Variants in C14orf39 observed in about 807,000 individuals in gnomAD.
C14orf39 encodes protein SIX6OS1.
Under a neutral mutation model 85.6 loss-of-function variants are expected in C14orf39, and 66 were observed. The ratio of observed to expected loss-of-function variants is 0.77; its 90% CI spans 0.63 to 0.95. The LOEUF (loss-of-function observed/expected upper bound fraction) is 0.95, where lower values mean the gene tolerates loss of function less well. C14orf39 is among the 40% of genes least tolerant of loss of function. The probability of loss-of-function intolerance (pLI) is 0.00; values close to 1 mark genes in which losing one functional copy is unlikely to be tolerated. For missense variants in C14orf39, 735 were observed against 663.9 expected, an observed-to-expected ratio of 1.11 and a Z score of -1.18; for synonymous variants, 242 against 214.0, an observed-to-expected ratio of 1.13 and a Z score of -1.14.
chr14:60,511,476 C>G, intron 1 of C14orf39: 1 of 613,360 alleles, frequency 1.6e-6, no homozygotes, highest in East Asian at 2.8e-5. Flanking sequence ...AGGCCTGACC[C>G]AGCACCACGT....
At chr14:60,474,613 G>A (rs1021161770) in intron 5 of C14orf39, among the ~76,000 whole-genome samples, 9 of 152,132 alleles carry the variant, frequency 5.9e-5, no homozygotes, top group African/African-American at 1.2e-4. Context: ...AGCATGAAGC[G>A]TTGTTGAATT....
At chr14:60,442,335 T>A (rs1376547403) in intron 16 of C14orf39, among the ~76,000 whole-genome samples, 1 of 152,200 alleles carries the variant, frequency 6.6e-6, no homozygotes, top group East Asian at 1.9e-4. Context: ...GTCTATTGAT[T>A]TGATTCAGGC....
intron 17 of C14orf39, among the ~76,000 whole-genome samples, chr14:60,438,055 G>C (rs1301688151): frequency 1.3e-5 from 2 of 151,580 alleles, no homozygotes; most frequent in East Asian, 3.8e-4. Context: ...CTTGAAACAA[G>C]TCTTTTTAAA....
At position 60,471,418 on chromosome 14, in the gene C14orf39, T is replaced by G; in HGVS notation, c.553A>C (p.Ile185Leu). 1 of 1,589,078 alleles carries G rather than the reference T, an allele frequency of 6.3e-7. No homozygotes were observed. The highest frequency in any genetic ancestry group is 8.6e-7 in the Non-Finnish European group (1 of 1,166,522). ...FPSLTKWTLN[I>L]VNLRCETQDI... is the part of the protein sequence containing the mutation. ...AAGTACAAATACTATTGTGGATACA[T>G]GTTTAAAGTCCATTTAGTAAGTGAT... The change falls in exon 7 of 18, where the codon ATT (isoleucine) becomes CTT (leucine). Residue 185 changes from isoleucine to leucine, a missense_variant and splice_region_variant. Coordinates refer to ENST00000321731, the MANE Select transcript of C14orf39 (RefSeq NM_174978.3).
intron 5 of C14orf39, among the ~76,000 whole-genome samples, chr14:60,472,650 T>C (rs1357963620): frequency 6.6e-6 from 1 of 152,088 alleles, no homozygotes; most frequent in Non-Finnish European, 1.5e-5. Context: ...GAATATGCAG[T>C]GTTTGCTTTT....
intron 1 of C14orf39, among the ~76,000 whole-genome samples, chr14:60,501,079 G>A (rs567379103): frequency 6.6e-6 from 1 of 150,834 alleles, no homozygotes; most frequent in African/African-American, 2.4e-5. Flanking sequence ...GTGAAGGAGG[G>A]TCACTTGAGG....
At chr14:60,442,405 A>T (rs568885927) in intron 16 of C14orf39, among the ~76,000 whole-genome samples, 1 of 152,278 alleles carries the variant, frequency 6.6e-6, no homozygotes, top group East Asian at 1.9e-4. Flanking sequence ...ATTTTGCTTT[A>T]TTCTGAAAGC....
Position 60,468,523 on chromosome 14 carries a change from T to A in C14orf39, c.689A>T (p.His230Leu). The change falls in exon 9 of 18, where the codon CAT (histidine) becomes CTT (leucine). Residue 230 changes from histidine (H) to leucine (L), a missense_variant. Transcript: ENST00000321731. ...TTCTGAAAGAGCCTTAGTTTCATTA[T>A]GCCTAGATATCTGCTAAAAAGACAA... ...INYLNQQISRHNETKALSETL... is the reference protein window; with the variant it reads ...INYLNQQISRLNETKALSETL... 1 of 1,577,802 alleles carries A rather than the reference T, an allele frequency of 6.3e-7. No individual in the cohort carries two copies.
intron 14 of C14orf39, 97 bp from the exon 15 acceptor site, chr14:60,457,192 T>A: frequency 1.4e-6 from 1 of 705,676 alleles, no homozygotes. Context: ...TATTAATCCA[T>A]GATGTTAACA....
At chr14:60,512,993 A>G (rs1212138660) in intron 1 of C14orf39, 1 of 152,238 alleles carries the variant, frequency 6.6e-6, no homozygotes, top group African/African-American at 2.4e-5. Flanking sequence ...CAAACCAAAC[A>G]AAAATAAGTG....
intron 16 of C14orf39, among the ~76,000 whole-genome samples, chr14:60,446,380 C>T (rs1410439381): frequency 6.6e-6 from 1 of 152,040 alleles, no homozygotes; most frequent in Non-Finnish European, 1.5e-5. Flanking sequence ...ACCACTGATC[C>T]CACAGAAATA....
Position 60,448,783 on chromosome 14 carries a change from A to C in C14orf39, c.1503+6218T>G, listed in dbSNP as rs576207816. 4.6e-5 allele frequency among the ~76,000 whole-genome samples: 7 copies of C among 152,320 alleles called. No individual in the cohort carries two copies. The East Asian group carries it at 1.3e-3, about 29-fold the overall frequency. ...ATAGCAAAGACTTGGAACCAACCCAAATGTCCATCAACATCAATGATAGAA... is the reference window on the plus strand; with the variant it reads ...ATAGCAAAGACTTGGAACCAACCCACATGTCCATCAACATCAATGATAGAA... On this transcript the variant is annotated intron_variant, in intron 16 of 17. Transcript: ENST00000321731.
In C14orf39 at chr14:60,468,545, A is replaced by C; in HGVS notation, c.676-9T>G. On this transcript the variant is annotated splice_polypyrimidine_tract_variant and intron_variant, in intron 8 of 17. Coordinates refer to ENST00000321731, the MANE Select transcript of C14orf39 (RefSeq NM_174978.3). ...TTATGCCTAGATATCTGCTAAAAAG[A>C]CAATTGGGAACACAAAACAAAATAA... is the stretch of plus-strand genomic sequence containing the variant. 1 of 1,485,270 alleles carries C rather than the reference A, an allele frequency of 6.7e-7. No homozygotes were observed. Among genetic ancestry groups the C allele is most frequent in the Non-Finnish European group, 9.2e-7 (1 of 1,091,464 alleles). The allele number at this position is 1,485,270 out of a possible 1,614,324, so 92.0% of individuals were successfully genotyped here.
intron 15 of C14orf39, among the ~76,000 whole-genome samples, chr14:60,455,856 TTTG>T (rs1188091661): frequency 2.0e-5 from 3 of 152,116 alleles, no homozygotes; most frequent in Non-Finnish European, 4.4e-5. Flanking sequence ...CCTTGCACAG[TTTG>T]TTGTTTGTTA....
intron 13 of C14orf39, among the ~76,000 whole-genome samples, chr14:60,460,685 A>T (rs1200491451): frequency 6.6e-6 from 1 of 151,824 alleles, no homozygotes; most frequent in African/African-American, 2.4e-5. Flanking sequence ...ATGTATACAC[A>T]TGTGTGTGTA....
upstream of C14orf39, chr14:60,486,191 G>C (rs1036898364): frequency 2.0e-5 from 3 of 151,704 alleles, no homozygotes; most frequent in Non-Finnish European, 2.9e-5. Flanking sequence ...GGCTGCAACC[G>C]CTCCTTCTTC....
At chr14:60,472,126 G>A (rs1368213673) in intron 5 of C14orf39, among the ~76,000 whole-genome samples, 1 of 151,856 alleles carries the variant, frequency 6.6e-6, no homozygotes, top group African/African-American at 2.4e-5. Context: ...TATCTTCCCT[G>A]GCTTCTGAGT....
chr14:60,511,656 T>C, intron 1 of C14orf39: 1 of 331,702 alleles, frequency 3.0e-6, no homozygotes, highest in Non-Finnish European at 5.8e-6. Flanking sequence ...AACATATATA[T>C]GCTGTTTATT....
At chr14:60,475,837 G>A (rs983823413) in intron 5 of C14orf39, among the ~76,000 whole-genome samples, 7 of 151,884 alleles carry the variant, frequency 4.6e-5, no homozygotes, top group South Asian at 4.1e-4. Flanking sequence ...AAAAAAATTC[G>A]TAGAAAAATT....
Sources: allele counts gnomAD v4.1 joint callset (sites outside exome capture counted in the v4.1 genomes callset), GRCh38; gene constraint gnomAD v4.1.1; transcripts MANE v1.5; gene names NCBI Gene and HGNC (gene_info 2026-07-23, HGNC 2026-07-21).